TMEM260: variants seen among roughly 807,000 people sequenced by gnomAD.
TMEM260 encodes the protein transmembrane protein 260, also known as protein O-mannosyl-transferase TMEM260.
TMEM260 carries 82 observed loss-of-function variants against 88.9 expected under a neutral mutation model. That is an observed-to-expected ratio of 0.92 (90% confidence interval 0.77 to 1.11). TMEM260 has a LOEUF of 1.11. Among genes scored for constraint, TMEM260 ranks in the 50% least tolerant of loss-of-function variants. The pLI is 0.00. For synonymous variants in TMEM260, 314 were observed against 309.3 expected (o/e 1.02, Z -0.16); for missense variants, 902 against 853.4 (o/e 1.06, Z -0.71).
chr14:56,649,566 G>A (rs559972404), downstream of TMEM260: 76 of 152,314 alleles, frequency 5.0e-4, no homozygotes, highest in African/African-American at 1.8e-3. Flanking sequence ...CGTGGTGGTT[G>A]TGTTTGTTTC....
intron 7 of TMEM260, chr14:56,613,890 C>T (rs1255700499): frequency 2.4e-5 from 3 of 123,434 alleles, no homozygotes; most frequent in Non-Finnish European, 4.9e-5. Flanking sequence ...TGAGACCCGT[C>T]TCTGCAAAAA....
At chr14:56,580,140 G>C (rs1222015735) in intron 1 of TMEM260, 66 bp downstream of exon 1, 1 of 1,215,074 alleles carries the variant, frequency 8.2e-7, no homozygotes, top group Non-Finnish European at 1.0e-6. Context: ...CAGGGTCTGC[G>C]TCTGGCCCCT....
chr14:56,652,016 C>G (rs932736986), downstream of TMEM260, among the ~76,000 whole-genome samples: 10 of 152,112 alleles, frequency 6.6e-5, no homozygotes, highest in African/African-American at 2.4e-4. Flanking sequence ...ATGAAATATT[C>G]CCTTAGATAG....
chr14:56,609,542 C>T (rs1013803437), intron 6 of TMEM260, among the ~76,000 whole-genome samples: 1 of 152,100 alleles, frequency 6.6e-6, no homozygotes, highest in African/African-American at 2.4e-5. Context: ...AAGTCTTCCA[C>T]CTACAGTCGA....
chr14:56,653,745 A>AAAAAAAAAAAAAC (rs1555343563), downstream of TMEM260, among the ~76,000 whole-genome samples: 28 of 137,426 alleles, frequency 2.0e-4, 4 homozygotes, highest in Admixed American at 7.3e-4. Context: ...CCAAAACAAA[A>AAAAAAAAAAAAAC]AAAAAAAAAA....
In TMEM260 at chr14:56,595,753, C is replaced by T. The variant is rs1236200170; in HGVS notation, c.345-8062C>T. Reference sequence around the variant, plus strand: ...TCCTCTGCCTCAGCCTTGCAAAGTGCTGGGATTACAGGGATGAGCCACCAT... The same window carrying T: ...TCCTCTGCCTCAGCCTTGCAAAGTGTTGGGATTACAGGGATGAGCCACCAT... On this transcript the variant is annotated intron_variant, in intron 3 of 15. Coordinates refer to ENST00000261556, the MANE Select transcript of TMEM260 (RefSeq NM_017799.4). Among the ~76,000 whole-genome samples, 4 of 152,250 alleles carry T rather than the reference C, an allele frequency of 2.6e-5. No individual in the cohort carries two copies. In the East Asian group the frequency reaches 7.7e-4, roughly 29 times the overall value.
intron 15 of TMEM260, among the ~76,000 whole-genome samples, chr14:56,646,946 T>TC (rs1890004695): frequency 6.6e-6 from 1 of 152,142 alleles, no homozygotes; most frequent in Admixed American, 6.5e-5. Context: ...CTAAATCCCT[T>TC]CCCCAGAACA....
rs1381574928 is a variant in TMEM260 at position 56,632,077 on chromosome 14, C to CTGTT, written c.1548-916_1548-913dup. Among the ~76,000 whole-genome samples the CTGTT allele has an allele frequency of 9.9e-5, 15 of 152,276 alleles. No homozygotes were observed. In the South Asian group the frequency reaches 1.0e-3, roughly 11 times the overall value. On this transcript the variant is annotated intron_variant, in intron 12 of 15. Coordinates refer to ENST00000261556, the MANE Select transcript of TMEM260 (RefSeq NM_017799.4). ...TGTCCTGTGGTTAATTTTACGAACTCTGTTTAGGGTCAGACCTGTGCATGC... is the reference window on the plus strand; with the variant it reads ...TGTCCTGTGGTTAATTTTACGAACTCTGTTTGTTTAGGGTCAGACCTGTGCATGC...
chr14:56,633,278 T>C (rs1888765252), intron 13 of TMEM260, 107 bp downstream of exon 13: 1 of 837,504 alleles, frequency 1.2e-6, no homozygotes, highest in East Asian at 2.7e-5. Flanking sequence ...TTATTAATTG[T>C]TAATATTGTT....
At chr14:56,600,310 A>T (rs929567363) in intron 3 of TMEM260, among the ~76,000 whole-genome samples, 1 of 152,080 alleles carries the variant, frequency 6.6e-6, no homozygotes, top group Non-Finnish European at 1.5e-5. Context: ...GGAGCATTTT[A>T]TTTTCAGAAT....
chr14:56,581,001 G>T (rs901579677), intron 1 of TMEM260, among the ~76,000 whole-genome samples: 1 of 152,118 alleles, frequency 6.6e-6, no homozygotes, highest in Non-Finnish European at 1.5e-5. Flanking sequence ...CTAGATGCTC[G>T]TACTCAGAAA....
intron 15 of TMEM260, among the ~76,000 whole-genome samples, chr14:56,637,037 G>A (rs1204314375): frequency 1.3e-5 from 2 of 152,160 alleles, no homozygotes; most frequent in Non-Finnish European, 2.9e-5. Context: ...AGAGAAACTT[G>A]AACTTTGCAG....
chr14:56,596,406 G>GTGTATA (rs1290307932), intron 3 of TMEM260, among the ~76,000 whole-genome samples: 6 of 111,320 alleles, frequency 5.4e-5, no homozygotes, highest in African/African-American at 1.6e-4. Context: ...GTGTGTGTGT[G>GTGTATA]TATATATATA....
rs549065506 is a variant in TMEM260 at position 56,634,938 on chromosome 14, A to G, written c.1764A>G (p.Glu588=). The change falls in exon 14 of 16, where the codon GAA becomes GAG. Residue 588 remains glutamate (E), a synonymous_variant. Transcript: ENST00000261556. ...PSSWESVANE[E]MWQARMKTPF... ...CTTGGGAATCTGTGGCCAATGAAGAAATGTGGCAAGCGAGGTGACTATTCT... is the reference window on the plus strand; with the variant it reads ...CTTGGGAATCTGTGGCCAATGAAGAGATGTGGCAAGCGAGGTGACTATTCT... 4.9e-5 allele frequency: 79 copies of G among 1,614,096 alleles called. 1 individual carries two copies. The South Asian group carries it at 8.5e-4, about 17-fold the overall frequency.
At chr14:56,608,304 G>A (rs10134745) in intron 5 of TMEM260, among the ~76,000 whole-genome samples, 16,520 of 152,174 alleles carry the variant, frequency 0.11, 1,481 homozygotes, top group African/African-American at 0.24. Flanking sequence ...ATATTTGTGA[G>A]AGACTACCTT....
chr14:56,629,059 C>A (rs1004151621), intron 12 of TMEM260, among the ~76,000 whole-genome samples: 5 of 151,792 alleles, frequency 3.3e-5, no homozygotes, highest in African/African-American at 7.3e-5. Flanking sequence ...CCAAGCCCAG[C>A]TAATTTTTGT....
chr14:56,585,229 A>G (rs1296856961), intron 2 of TMEM260, among the ~76,000 whole-genome samples, 197 bp downstream of exon 2: 2 of 152,156 alleles, frequency 1.3e-5, no homozygotes, highest in African/African-American at 2.4e-5. Flanking sequence ...AGCCTTTACT[A>G]TATATACAGT....
At chr14:56,608,548 G>A (rs1488640753) in intron 5 of TMEM260, among the ~76,000 whole-genome samples, 1 of 152,060 alleles carries the variant, frequency 6.6e-6, no homozygotes, top group Admixed American at 6.5e-5. Context: ...GTAAATTGAG[G>A]AGAAAAAAAG....
rs751065051 is a variant in TMEM260, at chr14:56,625,560, C to G, written c.1547+30C>G. 5 of 1,544,974 alleles carry G rather than the reference C, an allele frequency of 3.2e-6. No homozygotes were observed. In the South Asian group the frequency reaches 6.0e-5, roughly 19 times the overall value. ...GCATTCTTTTTATATAATAGCTTTT[C>G]TAAAATCTTAAGCTTTTCTAAAATT... On this transcript the variant is annotated intron_variant, in intron 12 of 15. Transcript: ENST00000261556.
Sources: allele counts gnomAD v4.1 joint callset (sites outside exome capture counted in the v4.1 genomes callset), GRCh38; gene constraint gnomAD v4.1.1; transcripts MANE v1.5; gene names NCBI Gene and HGNC (gene_info 2026-07-23, HGNC 2026-07-21).